SPATA32: variants seen among roughly 807,000 people sequenced by gnomAD.
SPATA32 encodes the protein spermatogenesis-associated protein 32.
SPATA32 carries 28 observed loss-of-function variants against 35.4 expected under a neutral mutation model. The ratio of observed to expected loss-of-function variants is 0.79; its 90% CI spans 0.59 to 1.09. The LOEUF (loss-of-function observed/expected upper bound fraction) is 1.09. Ranked by LOEUF, SPATA32 falls within the 50% of genes least tolerant of loss-of-function variation. The pLI, the probability that SPATA32 is intolerant of heterozygous loss-of-function variation, is 0.00. For missense variants in SPATA32, 409 were observed against 475.9 expected, an observed-to-expected ratio of 0.86 and a Z score of 1.31; for synonymous variants, 168 against 196.3, an observed-to-expected ratio of 0.86 and a Z score of 1.20.
Position 45,254,432 on chromosome 17 carries a change from C to G in SPATA32, c.1149G>C (p.Glu383Asp), listed in dbSNP as rs1419251174. ...CTTTATTGGTTCTGTCTAGTCATTT[C>G]TCTGGGATTGTGGGGGCTGACAGCT... is the stretch of plus-strand genomic sequence containing the variant. ...HFKLSAPTIP[E>D]K Residue 383 changes from glutamate (E) to aspartate (D), a missense_variant, in exon 5 of 5, where the codon GAG becomes GAC. Coordinates refer to ENST00000331780, the MANE Select transcript of SPATA32 (RefSeq NM_152343.3). 1 of 1,614,150 alleles carries G rather than the reference C, an allele frequency of 6.2e-7. No individual in the cohort carries two copies. The highest frequency in any genetic ancestry group is 2.2e-5 in the East Asian group (1 of 44,878).
chr17:45,261,529 G>A lies in SPATA32; in HGVS notation c.13+475C>T, dbSNP rs187647726. On this transcript the variant is annotated intron_variant, in intron 1 of 4. Coordinates refer to ENST00000331780, the MANE Select transcript of SPATA32 (RefSeq NM_152343.3). Reference sequence around the variant, plus strand: ...TGGGGGCAAACATCTTTGCTCATTGGTTCAGAGAAGAGTACAAGGCATCAA... The same window carrying A: ...TGGGGGCAAACATCTTTGCTCATTGATTCAGAGAAGAGTACAAGGCATCAA... Among the ~76,000 whole-genome samples the A allele has an allele frequency of 1.4e-3, 214 of 152,316 alleles. 1 individual carries two copies. Among genetic ancestry groups the A allele is most frequent in the Admixed American group, 0.013 (194 of 15,292 alleles).
At position 45,259,627 on chromosome 17, in the gene SPATA32, C is replaced by T. The variant is rs182549976; in HGVS notation, c.13+2377G>A. ...CCTCAACCTCCCTGTCTCAAGTGAT[C>T]CTTCCACCTCACCTCTGGAGTAGCT... On this transcript the variant is annotated intron_variant, in intron 1 of 4. Transcript: ENST00000331780. 3.1e-3 allele frequency among the ~76,000 whole-genome samples: 467 copies of T among 151,928 alleles called. 1 individual carries two copies. Among genetic ancestry groups the T allele is most frequent in the South Asian group, 0.014 (65 of 4,796 alleles).
At position 45,255,447 on chromosome 17, in the gene SPATA32, T is replaced by G. The variant is rs200142180; in HGVS notation, c.735A>C (p.Ala245=). The G allele has an allele frequency of 1.9e-6, 3 of 1,614,112 alleles. No individual in the cohort carries two copies. In the East Asian group the frequency reaches 6.7e-5, roughly 36 times the overall value. The part of the protein sequence containing the change: ...PIDLTELITF[A]SSLAMASSSR... Reference sequence around the variant, plus strand: ...TGGAGGAGGCCATGGCCAGGGAAGATGCAAAGGTGATTAGCTCTGTCAGGT... The same window carrying G: ...TGGAGGAGGCCATGGCCAGGGAAGAGGCAAAGGTGATTAGCTCTGTCAGGT... The change falls in exon 4 of 5, where the codon GCA becomes GCC. Residue 245 remains alanine, a synonymous_variant. Transcript: ENST00000331780. This position sits in a 1 kb window ranked among gnomAD's most constrained non-coding sequence, Gnocchi z 5.4.
rs770191706 is a variant in SPATA32 at position 45,257,116 on chromosome 17, C to CG, written c.68+36dup. 5 of 1,607,340 alleles carry CG rather than the reference C, an allele frequency of 3.1e-6. No individual in the cohort carries two copies. The East Asian group carries it at 8.9e-5, about 29-fold the overall frequency. On this transcript the variant is annotated intron_variant, in intron 2 of 4. Coordinates refer to ENST00000331780, the MANE Select transcript of SPATA32 (RefSeq NM_152343.3). ...GTGAGGTCGGAGGTCCTGGAGGGCT[C>CG]GGGGGAGGCCCTACGTTGATTGAGG...
Position 45,255,496 on chromosome 17 carries a change from G to A in SPATA32, c.686C>T (p.Ser229Phe). 6.2e-7 allele frequency: 1 copy of A among 1,614,144 alleles called. No homozygotes were observed. The highest frequency in any genetic ancestry group is 8.5e-7 in the Non-Finnish European group (1 of 1,180,024). Residue 229 changes from serine (S) to phenylalanine (F), a missense_variant, in exon 4 of 5, where the codon TCC (serine) becomes TTC (phenylalanine). Physicochemically the swap from Ser to Phe is radical, Grantham distance 155. Coordinates refer to ENST00000331780, the MANE Select transcript of SPATA32 (RefSeq NM_152343.3). This position sits in a 1 kb window ranked among gnomAD's most constrained non-coding sequence, Gnocchi z 5.4. ...GTCAATGGGTGGCGGGAGATCTGAGGACAGGAGGGGGCTTGGTGCCTGGGA... is the reference window on the plus strand; with the variant it reads ...GTCAATGGGTGGCGGGAGATCTGAGAACAGGAGGGGGCTTGGTGCCTGGGA... ...TSSQAPSPLLSSDLPPPIDLT... is the reference protein window; with the variant it reads ...TSSQAPSPLLFSDLPPPIDLT...
chr17:45,260,487 C>A (rs1381865459), intron 1 of SPATA32: 2 of 152,318 alleles, frequency 1.3e-5, no homozygotes, highest in African/African-American at 2.4e-5. Context: ...AGCCAGCACA[C>A]ACCCATGACT....
Position 45,255,852 on chromosome 17 carries a change from C to T in SPATA32, c.330G>A (p.Glu110=), listed in dbSNP as rs114473694. The part of the protein sequence containing the change: ...EEPMQLVCKI[E]SVHSNMGLPT... ...GCAGCCCCATGTTGGAGTGGACGGACTCTATCTTGCATACCAGCTGCATGG... is the reference window on the plus strand; with the variant it reads ...GCAGCCCCATGTTGGAGTGGACGGATTCTATCTTGCATACCAGCTGCATGG... Residue 110 remains glutamate (E), a synonymous_variant, in exon 4 of 5, where the codon GAG becomes GAA. Transcript: ENST00000331780. The surrounding 1 kb of genome is among the most constrained non-coding windows in gnomAD (Gnocchi z 5.4). 6.4e-4 allele frequency: 1,035 copies of T among 1,614,114 alleles called. 6 individuals carry two copies. The African/African-American group carries it at 0.011, about 18-fold the overall frequency.
chr17:45,256,669 G>A lies in SPATA32; in HGVS notation c.69-254C>T, dbSNP rs191808232. ...CAACTCATGCCCCACCCCCAAAGAG[G>A]AATCCAGTTGGTTGGAGGTAAGGCC... On this transcript the variant is annotated intron_variant, in intron 2 of 4. Coordinates refer to ENST00000331780, the MANE Select transcript of SPATA32 (RefSeq NM_152343.3). This position sits in a 1 kb window ranked among gnomAD's most constrained non-coding sequence, Gnocchi z 4.7. Among the ~76,000 whole-genome samples, 53 of 152,270 alleles carry A rather than the reference G, an allele frequency of 3.5e-4. No homozygotes were observed. The highest frequency in any genetic ancestry group is 5.7e-4 in the Non-Finnish European group (39 of 68,020).
At position 45,256,505 on chromosome 17, in the gene SPATA32, G is replaced by T; in HGVS notation, c.69-90C>A. The stretch of plus-strand genomic sequence containing the variant: ...TGGGGCCCTCAAAGCCCTCTGCCTT[G>T]TAACAGAAGCTGGCACGATGCACCT... On this transcript the variant is annotated intron_variant, in intron 2 of 4. Transcript: ENST00000331780. This position sits in a 1 kb window ranked among gnomAD's most constrained non-coding sequence, Gnocchi z 4.7. The T allele has an allele frequency of 8.4e-7, 1 of 1,186,984 alleles. No homozygotes were observed. Among genetic ancestry groups the T allele is most frequent in the African/African-American group, 1.5e-5 (1 of 67,608 alleles). 73.5% of individuals were successfully genotyped at this position (1,186,984 alleles called of 1,614,324 possible).
chr17:45,256,537 G>T lies in SPATA32; in HGVS notation c.69-122C>A. On this transcript the variant is annotated intron_variant, in intron 2 of 4. Coordinates refer to ENST00000331780, the MANE Select transcript of SPATA32 (RefSeq NM_152343.3). The surrounding 1 kb of genome is among the most constrained non-coding windows in gnomAD (Gnocchi z 4.7). Reference sequence around the variant, plus strand: ...AAGCTGGCACGATGCACCTCCCGCCGACCACCCCGCCACCAGCTCATCCAC... The same window carrying T: ...AAGCTGGCACGATGCACCTCCCGCCTACCACCCCGCCACCAGCTCATCCAC... The T allele has an allele frequency of 2.5e-6, 2 of 809,570 alleles. No individual in the cohort carries two copies. Among genetic ancestry groups the T allele is most frequent in the South Asian group, 1.4e-5 (1 of 70,588 alleles). 50.1% of individuals were successfully genotyped at this position (809,570 alleles called of 1,614,324 possible).
rs1478693452 is a variant in SPATA32 at position 45,255,375 on chromosome 17, G to T, written c.807C>A (p.Pro269=). The stretch of plus-strand genomic sequence containing the variant: ...CTGTGGAAGGCTCCAGAGCCTCCTG[G>T]GGTGGAGCTTTCATCATGTGTTCCA... ...PSLEHMMKAP[P]QEALEPSTEP... The change falls in exon 4 of 5, where the codon CCC becomes CCA. Residue 269 remains proline (P), a synonymous_variant. Coordinates refer to ENST00000331780, the MANE Select transcript of SPATA32 (RefSeq NM_152343.3). The surrounding 1 kb of genome is among the most constrained non-coding windows in gnomAD (Gnocchi z 5.4). 2 of 1,614,182 alleles carry T rather than the reference G, an allele frequency of 1.2e-6. No individual in the cohort carries two copies. The highest frequency in any genetic ancestry group is 1.7e-5 in the Admixed American group (1 of 60,028).
chr17:45,261,861 T>A, intron 1 of SPATA32, 143 bp downstream of exon 1: 1 of 994,588 alleles, frequency 1.0e-6, no homozygotes, highest in African/African-American at 1.7e-5. Flanking sequence ...CGGGTCGACC[T>A]GCCTTTCAGG....
chr17:45,256,988 C>T lies in SPATA32; in HGVS notation c.68+165G>A, dbSNP rs2043963989. On this transcript the variant is annotated intron_variant, in intron 2 of 4. Transcript: ENST00000331780. The surrounding 1 kb of genome is among the most constrained non-coding windows in gnomAD (Gnocchi z 4.7). ...ATAAACAGAAGTGGGAGGATAGGCG[C>T]CCCACGCCCTCCCCAGCCTTTTGGC... Among the ~76,000 whole-genome samples the T allele has an allele frequency of 6.6e-6, 1 of 152,202 alleles. No individual in the cohort carries two copies. The highest frequency in any genetic ancestry group is 6.5e-5 in the Admixed American group (1 of 15,282).
Position 45,262,048 on chromosome 17 carries a change from G to A in SPATA32, c.-32C>T. The A allele has an allele frequency of 3.8e-6, 5 of 1,310,820 alleles. No individual in the cohort carries two copies. The highest frequency in any genetic ancestry group is 3.9e-6 in the Non-Finnish European group (4 of 1,021,194). 81.2% of individuals were successfully genotyped at this position (1,310,820 alleles called of 1,614,324 possible). Reference sequence around the variant, plus strand: ...CGAGGCTCTGTCCTGGAGGCGGGGAGCGGGCTGGTGGATGCTGCCTCTCCG... The same window carrying A: ...CGAGGCTCTGTCCTGGAGGCGGGGAACGGGCTGGTGGATGCTGCCTCTCCG... On this transcript the variant is annotated 5_prime_UTR_variant, in exon 1 of 5. Transcript: ENST00000331780.
chr17:45,257,030 G>T, intron 2 of SPATA32, 123 bp downstream of exon 2: 1 of 1,118,872 alleles, frequency 8.9e-7, no homozygotes, highest in Non-Finnish European at 1.3e-6. Flanking sequence ...ACTGGCCCCG[G>T]GGAGGTTTTG....
At position 45,256,420 on chromosome 17, in the gene SPATA32, GAC is replaced by G. The variant is rs1455032171; in HGVS notation, c.69-7_69-6del. ...TGGTGTTGACTTAAGTCATCTCTAAGACAGAAGAAGACAGAGTGGGTGATGGG... is the reference window on the plus strand; with the variant it reads ...TGGTGTTGACTTAAGTCATCTCTAAGAGAAGAAGACAGAGTGGGTGATGGG... On this transcript the variant is annotated splice_region_variant and splice_polypyrimidine_tract_variant and intron_variant, in intron 2 of 4. Coordinates refer to ENST00000331780, the MANE Select transcript of SPATA32 (RefSeq NM_152343.3). This position sits in a 1 kb window ranked among gnomAD's most constrained non-coding sequence, Gnocchi z 4.7. 9.3e-6 allele frequency: 4 copies of G among 429,220 alleles called. No homozygotes were observed. Among genetic ancestry groups the G allele is most frequent in the Non-Finnish European group, 1.4e-5 (4 of 278,196 alleles). The allele number at this position is 429,220 out of a possible 1,614,324, so 26.6% of individuals were successfully genotyped here. A position where few individuals can be genotyped will look rare whatever the true frequency, so the allele number is the denominator to read the frequency against.
intron 2 of SPATA32, 27 bp downstream of exon 2, chr17:45,257,126 C>A: frequency 6.2e-7 from 1 of 1,610,584 alleles, no homozygotes; most frequent in Non-Finnish European, 8.5e-7. Context: ...CGGGGGAGGC[C>A]CTACGTTGAT....
At position 45,256,611 on chromosome 17, in the gene SPATA32, C is replaced by A. The variant is rs2043960700; in HGVS notation, c.69-196G>T. 6.6e-6 allele frequency among the ~76,000 whole-genome samples: 1 copy of A among 151,978 alleles called. No individual in the cohort carries two copies. The highest frequency in any genetic ancestry group is 1.5e-5 in the Non-Finnish European group (1 of 68,026). On this transcript the variant is annotated intron_variant, in intron 2 of 4. Coordinates refer to ENST00000331780, the MANE Select transcript of SPATA32 (RefSeq NM_152343.3). This position sits in a 1 kb window ranked among gnomAD's most constrained non-coding sequence, Gnocchi z 4.7. ...CCACCAGGAAGTCTGCGGTTGTATTCTGAAACTTTAGTGAGTTTAGGAAGC... is the reference window on the plus strand; with the variant it reads ...CCACCAGGAAGTCTGCGGTTGTATTATGAAACTTTAGTGAGTTTAGGAAGC...
At chr17:45,261,888 G>A in intron 1 of SPATA32, 116 bp downstream of exon 1, 4 of 1,151,398 alleles carry the variant, frequency 3.5e-6, no homozygotes, top group Non-Finnish European at 4.4e-6. Flanking sequence ...GGGTTTGGGA[G>A]CAGGGGAACG....
Sources: allele counts gnomAD v4.1 joint callset (sites outside exome capture counted in the v4.1 genomes callset), GRCh38; gene constraint gnomAD v4.1.1; non-coding constraint Gnocchi (gnomAD v3.1); transcripts MANE v1.5; gene names NCBI Gene and HGNC (gene_info 2026-07-23, HGNC 2026-07-21).